Variants in ADAM10 observed in about 807,000 individuals in gnomAD.
ADAM10 encodes disintegrin and metalloproteinase domain-containing protein 10.
ADAM10 carries 17 observed loss-of-function variants against 90.1 expected under a neutral mutation model. The observed-to-expected ratio is 0.19, with a 90% CI of 0.13 to 0.28. The LOEUF (loss-of-function observed/expected upper bound fraction) is 0.28. ADAM10 is among the 10% of genes least tolerant of loss of function. ADAM10 has a pLI of 1.00. For synonymous variants in ADAM10, 310 were observed against 298.6 expected (o/e 1.04, Z -0.40); for missense variants, 610 against 914.3 (o/e 0.67, Z 4.29).
At position 58,593,149 on chromosome 15, in the gene ADAM10, A is replaced by ATTTTTTTTTTTTTT. The variant is rs766149223; in HGVS notation, c.*4384_*4397dup. The ATTTTTTTTTTTTTT allele has an allele frequency of 1.5e-4, 10 of 68,466 alleles. 1 individual carries two copies. The highest frequency in any genetic ancestry group is 2.8e-4 in the Non-Finnish European group (10 of 36,234). The allele number at this position is 68,466 out of a possible 1,614,324, so 4.2% of individuals were successfully genotyped here. On this transcript the variant is annotated 3_prime_UTR_variant, in exon 16 of 16. Coordinates refer to ENST00000260408, the MANE Select transcript of ADAM10 (RefSeq NM_001110.4). ...AAAGTAACAAAGGCCAGGTACTCAA[A>ATTTTTTTTTTTTTT]TTTTTTTTTTTTTTTTTTTTTTTTT...
intron 14 of ADAM10, among the ~76,000 whole-genome samples, chr15:58,606,428 T>C (rs1217782096): frequency 6.6e-6 from 1 of 152,250 alleles, no homozygotes. Context: ...AAAGTTAATA[T>C]GCACAAGTTT....
intron 2 of ADAM10, among the ~76,000 whole-genome samples, chr15:58,712,644 C>T (rs771529780): frequency 6.6e-6 from 1 of 150,442 alleles, no homozygotes; most frequent in Non-Finnish European, 1.5e-5. Context: ...ATGGTGAAGC[C>T]CCGTCTCTAC....
chr15:58,693,217 C>T (rs1314091628), intron 2 of ADAM10: 1 of 650,094 alleles, frequency 1.5e-6, no homozygotes, highest in Non-Finnish European at 2.9e-6. Context: ...AAAAGGCTTA[C>T]AAGTACTAGA....
intron 6 of ADAM10, among the ~76,000 whole-genome samples, chr15:58,645,507 C>T (rs2140694791): frequency 6.6e-6 from 1 of 152,180 alleles, no homozygotes; most frequent in Middle Eastern, 3.4e-3. Flanking sequence ...TCATCCTCAC[C>T]ACCAAAATGA....
chr15:58,615,041 G>A (rs1475952110), intron 11 of ADAM10, among the ~76,000 whole-genome samples: 3 of 152,228 alleles, frequency 2.0e-5, no homozygotes, highest in Middle Eastern at 3.4e-3. Flanking sequence ...TTGGGAGGCC[G>A]AGGCAGGCAG....
rs1018567244 is a variant in ADAM10, at chr15:58,622,946, A to G, written c.1361-1325T>C. Among the ~76,000 whole-genome samples the G allele has an allele frequency of 3.3e-5, 5 of 152,238 alleles. No homozygotes were observed. In the South Asian group the frequency reaches 6.2e-4, roughly 19 times the overall value. On this transcript the variant is annotated intron_variant, in intron 10 of 15. Coordinates refer to ENST00000260408, the MANE Select transcript of ADAM10 (RefSeq NM_001110.4). ...TCCCAGTATAGGCAAAACACAGACT[A>G]TATCTAGGGTTTTCTAGGTCTACGA...
At chr15:58,614,721 C>A (rs545546841) in intron 11 of ADAM10, among the ~76,000 whole-genome samples, 56 of 152,258 alleles carry the variant, frequency 3.7e-4, no homozygotes, top group African/African-American at 1.3e-3. Context: ...ACTAGACTGA[C>A]CCTACAAGAA....
In ADAM10 at chr15:58,597,318, C is replaced by CT; in HGVS notation, c.*228dup. The CT allele has an allele frequency of 7.0e-7, 1 of 1,421,200 alleles. No homozygotes were observed. Among genetic ancestry groups the CT allele is most frequent in the Non-Finnish European group, 9.5e-7 (1 of 1,052,838 alleles). 88.0% of individuals were successfully genotyped at this position (1,421,200 alleles called of 1,614,324 possible). A position where few individuals can be genotyped will look rare whatever the true frequency, so the allele number is the denominator to read the frequency against. On this transcript the variant is annotated 3_prime_UTR_variant, in exon 16 of 16. Transcript: ENST00000260408. Reference sequence around the variant, plus strand: ...CTTTGTGCCATTAAGTTAAAAATATCTGTTCATAAGAAAATTGGGTTCCTT... The same window carrying CT: ...CTTTGTGCCATTAAGTTAAAAATATCTTGTTCATAAGAAAATTGGGTTCCTT...
At chr15:58,638,608 C>T in intron 8 of ADAM10, among the ~76,000 whole-genome samples, 1 of 119,246 alleles carries the variant, frequency 8.4e-6, no homozygotes, top group Non-Finnish European at 1.6e-5. Context: ...GAGCAACACT[C>T]TGTCTCAAAA....
intron 10 of ADAM10, among the ~76,000 whole-genome samples, chr15:58,622,744 A>C (rs1375520515): frequency 6.6e-6 from 1 of 152,224 alleles, no homozygotes; most frequent in Non-Finnish European, 1.5e-5. Flanking sequence ...CAGTCTTCTA[A>C]AGTTCTTTGA....
intron 4 of ADAM10, among the ~76,000 whole-genome samples, chr15:58,670,553 T>C (rs367747446): frequency 5.3e-5 from 8 of 152,240 alleles, no homozygotes; most frequent in Non-Finnish European, 1.2e-4. Context: ...GAATTTTATG[T>C]AGCCATTTAA....
chr15:58,691,052 A>G (rs990024509), intron 2 of ADAM10: 1 of 585,550 alleles, frequency 1.7e-6, no homozygotes, highest in Non-Finnish European at 3.3e-6. Context: ...AACCCATCAT[A>G]GAGTTGTCCC....
intron 2 of ADAM10, chr15:58,691,657 G>T: frequency 2.8e-6 from 1 of 352,992 alleles, no homozygotes; most frequent in Non-Finnish European, 5.4e-6. Flanking sequence ...GAGAAGCTAA[G>T]CTCAAGCCAC....
chr15:58,721,039 G>A (rs149376766), intron 1 of ADAM10, among the ~76,000 whole-genome samples: 9 of 152,250 alleles, frequency 5.9e-5, no homozygotes, highest in East Asian at 1.9e-4. Flanking sequence ...TTTTTAAGTC[G>A]CAGTTCAGAT....
intron 9 of ADAM10, among the ~76,000 whole-genome samples, chr15:58,631,361 A>G (rs775798968): frequency 2.0e-5 from 3 of 152,210 alleles, no homozygotes; most frequent in Non-Finnish European, 2.9e-5. Context: ...TGGTAGGCAA[A>G]GAGTGTGAAC....
intron 2 of ADAM10, among the ~76,000 whole-genome samples, chr15:58,713,410 A>T (rs916288883): frequency 2.0e-5 from 3 of 152,130 alleles, no homozygotes; most frequent in African/African-American, 7.2e-5. Context: ...CCAGCAATTC[A>T]CTCACTCAAT....
rs1291475381 is a variant in ADAM10 at position 58,706,993 on chromosome 15, A to G, written c.206+10584T>C. ...CATTGCACTCCAGCCTGGGTGACAG[A>G]GTGAGACTCCATCTCAAAAAAAAAA... On this transcript the variant is annotated intron_variant, in intron 2 of 15. Transcript: ENST00000260408. 3.5e-5 allele frequency among the ~76,000 whole-genome samples: 5 copies of G among 144,318 alleles called. No individual in the cohort carries two copies. The Admixed American group carries it at 3.5e-4, about 10-fold the overall frequency. The allele number at this position is 144,318 out of a possible 152,430, so 94.7% of individuals were successfully genotyped here.
At chr15:58,745,324 C>T (rs1899755990) in intron 1 of ADAM10, among the ~76,000 whole-genome samples, 1 of 152,148 alleles carries the variant, frequency 6.6e-6, no homozygotes, top group African/African-American at 2.4e-5. Flanking sequence ...ATTTCAAAAG[C>T]AGAGTTTATG....
At chr15:58,725,397 C>A (rs1898997877) in intron 1 of ADAM10, among the ~76,000 whole-genome samples, 1 of 149,016 alleles carries the variant, frequency 6.7e-6, no homozygotes, top group African/African-American at 2.5e-5. Flanking sequence ...TAAAAATTAG[C>A]CAGGAATACT....
Sources: gnomAD v4.1 joint callset for allele counts (sites outside exome capture counted in the v4.1 genomes callset) on GRCh38, gnomAD v4.1.1 for gene constraint, MANE v1.5 for transcripts, NCBI Gene and HGNC (gene_info 2026-07-23, HGNC 2026-07-21) for gene names.